Variants in CNTN5 observed in about 807,000 individuals in gnomAD.
CNTN5 encodes contactin 5.
In CNTN5, 77 loss-of-function variants were observed where a neutral mutation model predicts 129.1. The ratio of observed to expected loss-of-function variants is 0.60; its 90% CI spans 0.50 to 0.72. The LOEUF (loss-of-function observed/expected upper bound fraction) is 0.72, where lower values mean the gene tolerates loss of function less well. CNTN5 is among the 30% of genes least tolerant of loss of function. The probability of loss-of-function intolerance (pLI) is 0.00; values close to 1 mark genes in which losing one functional copy is unlikely to be tolerated. For missense variants in CNTN5, 1,478 were observed against 1,328.8 expected, an observed-to-expected ratio of 1.11 and a Z score of -1.75; for synonymous variants, 509 against 465.6, an observed-to-expected ratio of 1.09 and a Z score of -1.20.
chr11:99,900,228 T>C (rs1393256504), intron 6 of CNTN5, among the ~76,000 whole-genome samples: 1 of 151,576 alleles, frequency 6.6e-6, no homozygotes, highest in African/African-American at 2.4e-5. Context: ...TCTGCTGTAA[T>C]ATTTGTTACT....
chr11:99,665,698 G>C (rs1952765316), intron 3 of CNTN5, among the ~76,000 whole-genome samples: 1 of 151,802 alleles, frequency 6.6e-6, no homozygotes, highest in Non-Finnish European at 1.5e-5. Context: ...TGTTGGCCAG[G>C]CTGATCTCCA....
intron 21 of CNTN5, among the ~76,000 whole-genome samples, chr11:100,312,155 A>G (rs908637141): frequency 1.3e-5 from 2 of 152,226 alleles, no homozygotes; most frequent in African/African-American, 4.8e-5. Context: ...ATAAAAATCA[A>G]CATCTCATTA....
chr11:99,291,648 T>C (rs922538482), intron 1 of CNTN5, among the ~76,000 whole-genome samples: 13 of 152,166 alleles, frequency 8.5e-5, no homozygotes, highest in African/African-American at 3.1e-4. Context: ...TGTGTGGTTA[T>C]CTCAGAAAAG....
intron 2 of CNTN5, among the ~76,000 whole-genome samples, chr11:99,385,418 G>T (rs949366263): frequency 2.6e-5 from 4 of 152,154 alleles, no homozygotes; most frequent in East Asian, 1.9e-4. Context: ...TTGGATTAGT[G>T]ATTTGGACTT....
intron 2 of CNTN5, among the ~76,000 whole-genome samples, chr11:99,519,135 C>T (rs1233088954): frequency 6.6e-6 from 1 of 151,956 alleles, no homozygotes; most frequent in Non-Finnish European, 1.5e-5. Context: ...GTCTTTTTTT[C>T]TTATCCTTTG....
chr11:99,660,217 A>G (rs1565399906), intron 3 of CNTN5, among the ~76,000 whole-genome samples: 1 of 152,166 alleles, frequency 6.6e-6, no homozygotes, highest in Admixed American at 6.6e-5. Context: ...TAATCTTCAT[A>G]AGTGAAAAAA....
At chr11:99,203,912 T>G (rs1018454657) in intron 1 of CNTN5, among the ~76,000 whole-genome samples, 4 of 152,194 alleles carry the variant, frequency 2.6e-5, no homozygotes, top group African/African-American at 9.6e-5. Flanking sequence ...ATAACATTTC[T>G]TAAGGCAAGT....
intron 3 of CNTN5, among the ~76,000 whole-genome samples, chr11:99,816,048 C>T (rs545135417): frequency 1.2e-4 from 18 of 152,240 alleles, no homozygotes; most frequent in African/African-American, 4.1e-4. Flanking sequence ...AACAGACTAA[C>T]CTCTCTAACC....
chr11:99,783,852 G>A (rs367838493), intron 3 of CNTN5, among the ~76,000 whole-genome samples: 2 of 151,774 alleles, frequency 1.3e-5, no homozygotes, highest in East Asian at 2.0e-4. Context: ...GATTGCATTG[G>A]GAGATATACC....
chr11:99,475,574 T>C (rs972810646), intron 2 of CNTN5, among the ~76,000 whole-genome samples: 10 of 152,254 alleles, frequency 6.6e-5, no homozygotes, highest in Admixed American at 6.5e-4. Context: ...CCTTCTCTTA[T>C]CTTATTCTCT....
In CNTN5 at chr11:100,240,237, C is replaced by T. The variant is rs978862958; in HGVS notation, c.2005+15425C>T. Among the ~76,000 whole-genome samples, 8 of 151,750 alleles carry T rather than the reference C, an allele frequency of 5.3e-5. No individual in the cohort carries two copies. In the East Asian group the frequency reaches 9.7e-4, roughly 18 times the overall value. ...TATCAACACCCCGCCCCACACCCCC[C>T]GACCCCCGCCAGGGACTGCTCTATT... On this transcript the variant is annotated intron_variant, in intron 16 of 24. Coordinates refer to ENST00000524871, the MANE Select transcript of CNTN5 (RefSeq NM_014361.4).
At chr11:99,703,684 T>A (rs1436712826) in intron 3 of CNTN5, among the ~76,000 whole-genome samples, 2 of 150,972 alleles carry the variant, frequency 1.3e-5, no homozygotes, top group Non-Finnish European at 3.0e-5. Context: ...GCCACAGACA[T>A]ATCTAATGAC....
intron 1 of CNTN5, among the ~76,000 whole-genome samples, chr11:99,312,743 A>G (rs1865166172): frequency 6.6e-6 from 1 of 152,062 alleles, no homozygotes; most frequent in Non-Finnish European, 1.5e-5. Flanking sequence ...AATATTACCC[A>G]TTGTTATTAT....
intron 1 of CNTN5, among the ~76,000 whole-genome samples, chr11:99,032,811 C>T (rs1863466565): frequency 1.4e-5 from 2 of 147,824 alleles, no homozygotes; most frequent in Non-Finnish European, 3.0e-5. Flanking sequence ...GTTGCCATTG[C>T]TTTTGGTGTT....
chr11:100,309,447 A>G, intron 21 of CNTN5: 1 of 967,106 alleles, frequency 1.0e-6, no homozygotes, highest in Non-Finnish European at 1.2e-6. Flanking sequence ...TCTAAGAGTT[A>G]CAGCAAGAAC....
intron 3 of CNTN5, among the ~76,000 whole-genome samples, chr11:99,738,530 AG>A (rs1322392986): frequency 6.6e-6 from 1 of 152,164 alleles, no homozygotes; most frequent in Non-Finnish European, 1.5e-5. Context: ...TACCAGCTGA[AG>A]AAATAATAGA....
chr11:100,251,820 T>C (rs971114516), intron 16 of CNTN5, among the ~76,000 whole-genome samples: 1 of 152,182 alleles, frequency 6.6e-6, no homozygotes, highest in African/African-American at 2.4e-5. Flanking sequence ...ATTCATCTGT[T>C]GTTGGACTCC....
Position 100,352,270 on chromosome 11 carries a change from A to G in CNTN5, c.3199+1400A>G, listed in dbSNP as rs540977611. Among the ~76,000 whole-genome samples, 37 of 151,768 alleles carry G rather than the reference A, an allele frequency of 2.4e-4. No individual in the cohort carries two copies. The East Asian group carries it at 6.0e-3, about 25-fold the overall frequency. ...CACTTACAATACTTGATAAGTTCTC[A>G]CATGAAAATACAGGATAAGGAACAT... On this transcript the variant is annotated intron_variant, in intron 24 of 24. Transcript: ENST00000524871.
intron 2 of CNTN5, among the ~76,000 whole-genome samples, chr11:99,527,582 A>G (rs1947535435): frequency 6.6e-6 from 1 of 152,168 alleles, no homozygotes; most frequent in Non-Finnish European, 1.5e-5. Context: ...TGCATTTCCT[A>G]CAAAAGTGAC....
Sources: gnomAD v4.1 joint callset for allele counts (sites outside exome capture counted in the v4.1 genomes callset) on GRCh38, gnomAD v4.1.1 for gene constraint, MANE v1.5 for transcripts, NCBI Gene and HGNC (gene_info 2026-07-23, HGNC 2026-07-21) for gene names.